Variants in SSPN observed in about 807,000 individuals in gnomAD.
The protein encoded by SSPN is K-ras oncogene-associated protein.
SSPN carries 15 observed loss-of-function variants against 19.1 expected under a neutral mutation model. That is an observed-to-expected ratio of 0.78 (90% CI 0.52 to 1.21). The LOEUF is 1.21. Among genes scored for constraint, SSPN ranks in the 50% most tolerant of loss-of-function variants. The pLI is 0.00. For missense variants in SSPN, 291 were observed against 314.0 expected, an observed-to-expected ratio of 0.93 and a Z score of 0.55; for synonymous variants, 147 against 140.3, an observed-to-expected ratio of 1.05 and a Z score of -0.34.
chr12:26,140,919 CA>C (rs1944456925), intron 1 of SSPN, among the ~76,000 whole-genome samples: 1 of 152,186 alleles, frequency 6.6e-6, no homozygotes, highest in South Asian at 2.1e-4. Context: ...ATCTTTCACA[CA>C]GGAACTCTTA....
Position 26,122,889 on chromosome 12 carries a change from T to C in SSPN, c.-31+737T>C. The C allele has an allele frequency of 1.3e-6, 2 of 1,551,470 alleles. No individual in the cohort carries two copies. Among genetic ancestry groups the C allele is most frequent in the Non-Finnish European group, 8.7e-7 (1 of 1,147,920 alleles). On this transcript the variant is annotated intron_variant, in intron 1 of 2. Transcript: ENST00000538142. The stretch of plus-strand genomic sequence containing the variant: ...GCAGTAGGCGAGGGGCTCCAGCTTC[T>C]GCCCCGCGCGCTCCAGGCAGGGGGC...
chr12:26,124,413 A>T, intron 1 of SSPN: 1 of 1,256,246 alleles, frequency 8.0e-7, no homozygotes, highest in Non-Finnish European at 1.2e-6. Flanking sequence ...CAGTTGGGGA[A>T]GCTCAGGGGC....
chr12:26,137,656 A>ATATATATATTTT (rs1377562695), intron 1 of SSPN, among the ~76,000 whole-genome samples: 3 of 76,436 alleles, frequency 3.9e-5, no homozygotes, highest in African/African-American at 2.0e-4. Flanking sequence ...ATATATATAT[A>ATATATATATTTT]TTTTTTTTTT....
At chr12:26,123,211 G>A (rs1387540814) in intron 1 of SSPN, 1 of 1,533,880 alleles carries the variant, frequency 6.5e-7, no homozygotes, top group Non-Finnish European at 8.8e-7. Context: ...GAGGAGTGGA[G>A]GCAAGAAGAA....
At chr12:26,122,525 G>C in intron 1 of SSPN, 1 of 1,282,058 alleles carries the variant, frequency 7.8e-7, no homozygotes, top group Non-Finnish European at 1.0e-6. Context: ...CTCCGCCTCC[G>C]CCGAACGCCA....
chr12:26,163,729 G>C (rs75330289), intron 1 of SSPN, among the ~76,000 whole-genome samples: 5,918 of 152,250 alleles, frequency 0.039, 154 homozygotes, highest in South Asian at 0.079. Flanking sequence ...CTGAATTTTA[G>C]AGTAAATTAA....
chr12:26,208,407 AT>A, intron 1 of SSPN, among the ~76,000 whole-genome samples: 1 of 152,226 alleles, frequency 6.6e-6, no homozygotes, highest in African/African-American at 2.4e-5. Context: ...GTGTTCTATC[AT>A]TTATTTATTC....
intron 1 of SSPN, among the ~76,000 whole-genome samples, chr12:26,149,967 G>A (rs919323156): frequency 5.3e-5 from 8 of 152,078 alleles, no homozygotes; most frequent in African/African-American, 1.7e-4. Flanking sequence ...ACATATACTC[G>A]CAAGGTCAAT....
chr12:26,166,558 C>A (rs2137429107), intron 1 of SSPN, among the ~76,000 whole-genome samples: 1 of 152,362 alleles, frequency 6.6e-6, no homozygotes, highest in Middle Eastern at 3.4e-3. Context: ...ATTTTTACAT[C>A]TCTAAGAGTG....
chr12:26,203,905 G>A (rs1944907768), intron 1 of SSPN, among the ~76,000 whole-genome samples: 1 of 152,122 alleles, frequency 6.6e-6, no homozygotes, highest in African/African-American at 2.4e-5. Flanking sequence ...GTGAAGAGAA[G>A]AAGAGATCTC....
chr12:26,222,464 T>C (rs1415177353), intron 1 of SSPN, among the ~76,000 whole-genome samples: 3 of 152,150 alleles, frequency 2.0e-5, no homozygotes, highest in Admixed American at 6.5e-5. Flanking sequence ...GGGTAGGAAA[T>C]ATGGTTTGAA....
chr12:26,170,157 CG>C (rs1338474806), intron 1 of SSPN, among the ~76,000 whole-genome samples: 3 of 152,136 alleles, frequency 2.0e-5, no homozygotes, highest in Non-Finnish European at 4.4e-5. Context: ...TCAACAATTA[CG>C]GGGACTCATG....
chr12:26,169,813 G>C (rs1591859678), intron 1 of SSPN, among the ~76,000 whole-genome samples: 1 of 152,106 alleles, frequency 6.6e-6, no homozygotes, highest in Non-Finnish European at 1.5e-5. Context: ...AGCAGGTAAG[G>C]TTTTAGAAAT....
At chr12:26,181,728 C>T (rs533128458) in intron 1 of SSPN, among the ~76,000 whole-genome samples, 23 of 152,190 alleles carry the variant, frequency 1.5e-4, no homozygotes, top group African/African-American at 5.3e-4. Flanking sequence ...CTGACAGAAA[C>T]CAGTAAACTA....
intron 1 of SSPN, among the ~76,000 whole-genome samples, chr12:26,129,649 G>A (rs1324511289): frequency 9.2e-5 from 14 of 152,112 alleles, no homozygotes; most frequent in Non-Finnish European, 1.5e-4. Flanking sequence ...ACGTGTCCCC[G>A]TTTAATTTGT....
chr12:26,231,548 A>G lies in SSPN; in HGVS notation c.*472A>G, dbSNP rs114658262. 0.011 allele frequency: 1,719 copies of G among 154,888 alleles called. 31 individuals carry two copies. The highest frequency in any genetic ancestry group is 0.04 in the African/African-American group (1,657 of 41,588). 9.6% of individuals were successfully genotyped at this position (154,888 alleles called of 1,614,324 possible). ...TTGGAGACAGGCAGGAGGTGGGGGA[A>G]GAGCTGAATCTCTTTATTTTCCCTG... On this transcript the variant is annotated 3_prime_UTR_variant, in exon 3 of 3. Transcript: ENST00000242729.
intron 1 of SSPN, chr12:26,123,884 C>A: frequency 1.3e-6 from 1 of 768,494 alleles, no homozygotes. Context: ...TTCCACAAGA[C>A]AGGTTATAAA....
intron 1 of SSPN, chr12:26,126,684 T>C (rs2137393367): frequency 6.6e-6 from 1 of 152,178 alleles, no homozygotes; most frequent in African/African-American, 2.4e-5. Flanking sequence ...TCCGGAGTCC[T>C]GGGCGGAGAC....
chr12:26,143,580 A>C (rs924197244), intron 1 of SSPN, among the ~76,000 whole-genome samples: 1 of 152,200 alleles, frequency 6.6e-6, no homozygotes, highest in African/African-American at 2.4e-5. Context: ...TCCTGAGCTG[A>C]GGCAGGTAGG....
Sources: gnomAD v4.1 joint callset for allele counts (sites outside exome capture counted in the v4.1 genomes callset) on GRCh38, gnomAD v4.1.1 for gene constraint, MANE v1.5 for transcripts, NCBI Gene and HGNC (gene_info 2026-07-23, HGNC 2026-07-21) for gene names.